Variants in CTNNA2 observed in about 807,000 individuals in gnomAD.
CTNNA2 encodes the protein catenin alpha 2.
In CTNNA2, 42 loss-of-function variants were observed where a neutral mutation model predicts 101.0. That is an observed-to-expected ratio of 0.42 (90% CI 0.32 to 0.54). The LOEUF is 0.54. CTNNA2 is among the 20% of genes least tolerant of loss of function. CTNNA2 has a pLI of 0.14. For synonymous variants in CTNNA2, 450 were observed against 456.4 expected (o/e 0.99, Z 0.18); for missense variants, 871 against 1,223.1 (o/e 0.71, Z 4.29).
chr2:79,520,114 A>C (rs567066879), intron 1 of CTNNA2, among the ~76,000 whole-genome samples: 1 of 152,194 alleles, frequency 6.6e-6, no homozygotes, highest in Non-Finnish European at 1.5e-5. Context: ...TATTTTAGTA[A>C]AATTTTGGGC....
At chr2:80,356,639 G>A (rs1056494563) in intron 7 of CTNNA2, among the ~76,000 whole-genome samples, 2 of 152,044 alleles carry the variant, frequency 1.3e-5, no homozygotes, top group African/African-American at 4.8e-5. Context: ...AAATAATAGA[G>A]GGGGGAAATG....
chr2:79,348,766 C>A (rs1181829972), intron 3 of CTNNA2, among the ~76,000 whole-genome samples: 2 of 152,156 alleles, frequency 1.3e-5, no homozygotes, highest in African/African-American at 2.4e-5. Flanking sequence ...CTCCATCTTC[C>A]CCTTGTCTAG....
intron 3 of CTNNA2, among the ~76,000 whole-genome samples, chr2:79,755,802 A>C (rs537639520): frequency 1.3e-5 from 2 of 152,186 alleles, no homozygotes; most frequent in African/African-American, 4.8e-5. Context: ...AAAGTATGCT[A>C]TCTAGGAATG....
chr2:79,642,961 G>A (rs1192302639), intron 1 of CTNNA2, among the ~76,000 whole-genome samples: 1 of 151,996 alleles, frequency 6.6e-6, no homozygotes, highest in Non-Finnish European at 1.5e-5. Flanking sequence ...GGGAGGCCAA[G>A]GCAGGCAGAT....
At chr2:80,262,634 A>G (rs561801583) in intron 7 of CTNNA2, among the ~76,000 whole-genome samples, 1 of 152,144 alleles carries the variant, frequency 6.6e-6, no homozygotes, top group East Asian at 1.9e-4. Context: ...GGATCTACAC[A>G]TATGCATTCC....
chr2:79,802,137 T>G (rs1341279461), intron 3 of CTNNA2, among the ~76,000 whole-genome samples: 1 of 152,008 alleles, frequency 6.6e-6, no homozygotes, highest in Non-Finnish European at 1.5e-5. Context: ...TAGGAGAAAT[T>G]GCATAGATTG....
chr2:80,306,165 C>T (rs115198464), intron 7 of CTNNA2, among the ~76,000 whole-genome samples: 1,604 of 152,258 alleles, frequency 0.011, 38 homozygotes, highest in African/African-American at 0.036. Flanking sequence ...GAGCTCTGCC[C>T]TGGTCATTCA....
At chr2:80,225,641 A>G (rs1013136798) in intron 7 of CTNNA2, among the ~76,000 whole-genome samples, 7 of 152,238 alleles carry the variant, frequency 4.6e-5, no homozygotes, top group Non-Finnish European at 1.0e-4. Flanking sequence ...AGCTATGTAT[A>G]TAGAATAGCA....
chr2:79,435,730 C>T (rs1206370153), intron 4 of CTNNA2, among the ~76,000 whole-genome samples: 1 of 151,872 alleles, frequency 6.6e-6, no homozygotes, highest in Non-Finnish European at 1.5e-5. Context: ...TCTGGGGCAG[C>T]ACCCAGCAAG....
At chr2:79,413,176 G>T (rs142134006) in intron 4 of CTNNA2, among the ~76,000 whole-genome samples, 2 of 151,986 alleles carry the variant, frequency 1.3e-5, no homozygotes, top group East Asian at 3.9e-4. Context: ...TTGCAGGGGT[G>T]GCTGGGGAGG....
At chr2:80,326,920 A>G (rs1670859420) in intron 7 of CTNNA2, among the ~76,000 whole-genome samples, 1 of 152,064 alleles carries the variant, frequency 6.6e-6, no homozygotes, top group South Asian at 2.1e-4. Context: ...CTCAGTTGTC[A>G]AAAGTACTGT....
chr2:79,606,954 A>G (rs1054126782), intron 1 of CTNNA2, among the ~76,000 whole-genome samples: 2 of 152,224 alleles, frequency 1.3e-5, no homozygotes, highest in African/African-American at 4.8e-5. Context: ...CAACGATTAC[A>G]TTGAACATAA....
intron 3 of CTNNA2, among the ~76,000 whole-genome samples, chr2:79,797,149 T>C (rs1386097910): frequency 1.3e-5 from 2 of 152,124 alleles, no homozygotes; most frequent in East Asian, 1.9e-4. Context: ...AATAGGCTTT[T>C]TGTTGTTGTT....
chr2:79,694,545 T>G (rs548390877), intron 2 of CTNNA2, among the ~76,000 whole-genome samples: 3 of 152,060 alleles, frequency 2.0e-5, no homozygotes, highest in Non-Finnish European at 2.9e-5. Context: ...TTTCTGTGTT[T>G]TTTTTTTAAC....
chr2:79,924,183 G>A (rs1276820142), intron 7 of CTNNA2, among the ~76,000 whole-genome samples: 1 of 152,078 alleles, frequency 6.6e-6, no homozygotes, highest in Non-Finnish European at 1.5e-5. Flanking sequence ...TGAACCTGGA[G>A]GTGTAACTGC....
At chr2:79,410,623 A>G (rs1678398851) in intron 4 of CTNNA2, among the ~76,000 whole-genome samples, 1 of 151,826 alleles carries the variant, frequency 6.6e-6, no homozygotes, top group African/African-American at 2.4e-5. Flanking sequence ...TGTATATTGA[A>G]CCAGCCTTGC....
At chr2:80,242,740 G>C (rs1014004372) in intron 7 of CTNNA2, among the ~76,000 whole-genome samples, 1 of 152,232 alleles carries the variant, frequency 6.6e-6, no homozygotes, top group East Asian at 1.9e-4. Flanking sequence ...TATCCAGATA[G>C]GGCAGCTGAA....
At chr2:80,556,042 T>C in intron 12 of CTNNA2, 149 bp downstream of exon 12, 1 of 492,472 alleles carries the variant, frequency 2.0e-6, no homozygotes, top group South Asian at 6.7e-5. Context: ...GTGTTCTCTT[T>C]GTTTTTTGAG....
intron 8 of CTNNA2, among the ~76,000 whole-genome samples, chr2:80,419,025 C>A (rs1048777007): frequency 3.7e-4 from 56 of 152,132 alleles, no homozygotes; most frequent in African/African-American, 1.2e-3. Flanking sequence ...TGCACAGTGG[C>A]CAAGTTTCAC....
Sources: gnomAD v4.1 joint callset for allele counts (sites outside exome capture counted in the v4.1 genomes callset) on GRCh38, gnomAD v4.1.1 for gene constraint, MANE v1.5 for transcripts, NCBI Gene and HGNC (gene_info 2026-07-23, HGNC 2026-07-21) for gene names.